COG3: variants seen among roughly 807,000 people sequenced by gnomAD.
The protein encoded by COG3 is conserved oligomeric Golgi complex subunit 3.
Under a neutral mutation model 114.1 loss-of-function variants are expected in COG3, and 32 were observed. That is an observed-to-expected ratio of 0.28 (90% CI 0.21 to 0.38). The LOEUF (loss-of-function observed/expected upper bound fraction) is 0.38. Among genes scored for constraint, COG3 ranks in the 10% least tolerant of loss-of-function variants. COG3 has a pLI of 1.00. For missense variants in COG3, 813 were observed against 973.2 expected, an observed-to-expected ratio of 0.84 and a Z score of 2.19; for synonymous variants, 352 against 365.7, an observed-to-expected ratio of 0.96 and a Z score of 0.43.
intron 17 of COG3, 38 bp from the exon 18 acceptor site, chr13:45,518,724 C>A (rs376717219): frequency 6.6e-7 from 1 of 1,515,932 alleles, no homozygotes; most frequent in African/African-American, 1.4e-5. Flanking sequence ...GCTGTTGAAA[C>A]TTTACATGTT....
At chr13:45,509,624 C>G in intron 14 of COG3, 68 bp from the exon 15 acceptor site, 1 of 1,583,436 alleles carries the variant, frequency 6.3e-7, no homozygotes, top group Non-Finnish European at 8.6e-7. Flanking sequence ...TTATAGTTGC[C>G]ATGTAAATTA....
At chr13:45,471,889 C>T (rs182486181) in intron 1 of COG3, among the ~76,000 whole-genome samples, 64 of 152,220 alleles carry the variant, frequency 4.2e-4, no homozygotes, top group African/African-American at 1.5e-3. Flanking sequence ...CCCGCCACTA[C>T]GCCTGGCTAA....
intron 16 of COG3, among the ~76,000 whole-genome samples, chr13:45,513,265 T>C (rs1241855507): frequency 1.8e-4 from 8 of 45,178 alleles, no homozygotes; most frequent in Non-Finnish European, 3.3e-4. Flanking sequence ...TATATACATA[T>C]AAATTATATA....
chr13:45,513,180 CTT>C (rs1269080325), intron 16 of COG3, among the ~76,000 whole-genome samples: 1 of 127,368 alleles, frequency 7.9e-6, no homozygotes, highest in African/African-American at 3.1e-5. Flanking sequence ...ACTTTTAAGG[CTT>C]TTATATATAT....
intron 1 of COG3, among the ~76,000 whole-genome samples, chr13:45,469,710 G>A (rs934795269): frequency 6.6e-6 from 1 of 152,098 alleles, no homozygotes; most frequent in East Asian, 1.9e-4. Context: ...TTTTTTAAGA[G>A]TTGTAGAGTT....
chr13:45,474,984 C>A (rs938849912), intron 1 of COG3, among the ~76,000 whole-genome samples: 2 of 152,136 alleles, frequency 1.3e-5, no homozygotes, highest in Non-Finnish European at 2.9e-5. Flanking sequence ...CCTGGTCTTT[C>A]TTTGATAGTG....
intron 14 of COG3, among the ~76,000 whole-genome samples, chr13:45,506,143 C>T (rs921725092): frequency 2.0e-5 from 3 of 152,106 alleles, no homozygotes; most frequent in East Asian, 1.9e-4. Flanking sequence ...ACAGCACTGC[C>T]GTAGAGCTGT....
intron 19 of COG3, among the ~76,000 whole-genome samples, chr13:45,520,285 C>CA (rs35891697): frequency 0.7 from 99,506 of 143,014 alleles, 36,669 homozygotes; most frequent in Non-Finnish European, 0.81. Context: ...GAGACTGTCT[C>CA]AAAAAAAAAA....
rs561346253 is a variant in COG3 at position 45,523,497 on chromosome 13, A to G, written c.2155-1479A>G. Among the ~76,000 whole-genome samples, 302 of 152,302 alleles carry G rather than the reference A, an allele frequency of 2.0e-3. 1 individual carries two copies. Among genetic ancestry groups the G allele is most frequent in the African/African-American group, 6.7e-3 (279 of 41,542 alleles). On this transcript the variant is annotated intron_variant, in intron 19 of 22. Transcript: ENST00000349995. The stretch of plus-strand genomic sequence containing the variant: ...GGAATTTTTAAAAAGATGGGGCTTC[A>G]CTTGACTAGCCTTAAAAAAATGAGG...
intron 14 of COG3, among the ~76,000 whole-genome samples, chr13:45,504,324 C>T (rs1279628388): frequency 6.6e-6 from 1 of 152,220 alleles, no homozygotes; most frequent in Non-Finnish European, 1.5e-5. Context: ...GGAGGACCCA[C>T]AGAGGGCTGA....
chr13:45,533,165 C>T (rs1873317894), intron 22 of COG3, among the ~76,000 whole-genome samples: 1 of 151,638 alleles, frequency 6.6e-6, no homozygotes, highest in Non-Finnish European at 1.5e-5. Context: ...AGGAGACAGG[C>T]TCGGGTGAGT....
At chr13:45,471,070 T>C (rs1388860726) in intron 1 of COG3, among the ~76,000 whole-genome samples, 3 of 152,162 alleles carry the variant, frequency 2.0e-5, no homozygotes, top group Admixed American at 2.0e-4. Flanking sequence ...AGCCTACCTC[T>C]AAATATTATA....
Position 45,535,268 on chromosome 13 carries a change from T to G in COG3, c.*537T>G. 3 of 985,490 alleles carry G rather than the reference T, an allele frequency of 3.0e-6. No homozygotes were observed. The highest frequency in any genetic ancestry group is 3.6e-6 in the Non-Finnish European group (3 of 829,970). The allele number at this position is 985,490 out of a possible 1,614,324, so 61.0% of individuals were successfully genotyped here. A position where few individuals can be genotyped will look rare whatever the true frequency, so the allele number is the denominator to read the frequency against. On this transcript the variant is annotated 3_prime_UTR_variant, in exon 23 of 23. Transcript: ENST00000349995. ...AGATTGGTTGCTTCTGAGAACACAT[T>G]CTGCCTTCCTGGGAAGTCGGGGTGT...
chr13:45,498,094 C>T (rs1869046171), intron 13 of COG3, among the ~76,000 whole-genome samples: 1 of 152,038 alleles, frequency 6.6e-6, no homozygotes. Flanking sequence ...GTATCTAGAA[C>T]TTATTTTTCA....
At chr13:45,486,374 C>T (rs998637662) in intron 7 of COG3, 121 bp from the exon 8 acceptor site, 5 of 458,016 alleles carry the variant, frequency 1.1e-5, no homozygotes, top group African/African-American at 2.5e-5. Context: ...GGGAGACTCT[C>T]CCTAAGCTTT....
intron 1 of COG3, among the ~76,000 whole-genome samples, chr13:45,467,255 G>T (rs1301535042): frequency 6.6e-6 from 1 of 152,174 alleles, no homozygotes; most frequent in African/African-American, 2.4e-5. Context: ...ATTCAGTGAG[G>T]GTCTTCTGGT....
chr13:45,465,317 C>T (rs1368807922), intron 1 of COG3, 107 bp downstream of exon 1: 28 of 1,452,164 alleles, frequency 1.9e-5, no homozygotes, highest in Non-Finnish European at 2.4e-5. Flanking sequence ...TATCTCTCCA[C>T]TCCTCCCTGG....
intron 19 of COG3, among the ~76,000 whole-genome samples, chr13:45,519,428 G>A (rs1002547627): frequency 6.6e-6 from 1 of 152,226 alleles, no homozygotes; most frequent in Admixed American, 6.5e-5. Flanking sequence ...CTGCATGGCA[G>A]CAACCACAGT....
At chr13:45,528,943 T>G (rs1872929330) in intron 20 of COG3, among the ~76,000 whole-genome samples, 1 of 152,250 alleles carries the variant, frequency 6.6e-6, no homozygotes, top group South Asian at 2.1e-4. Flanking sequence ...ATCTGCATTT[T>G]CAGTTTTGCT....
Sources: gnomAD v4.1 joint callset for allele counts (sites outside exome capture counted in the v4.1 genomes callset) on GRCh38, gnomAD v4.1.1 for gene constraint, MANE v1.5 for transcripts, NCBI Gene and HGNC (gene_info 2026-07-23, HGNC 2026-07-21) for gene names.